The following GRID2 variants were observed in gnomAD, a reference collection of about 807,000 sequenced individuals.
GRID2 encodes the protein glutamate receptor ionotropic, delta-2.
In GRID2, 33 loss-of-function variants were observed where a neutral mutation model predicts 114.8. That is an observed-to-expected ratio of 0.29 (90% confidence interval 0.22 to 0.38). The LOEUF (loss-of-function observed/expected upper bound fraction) is 0.38. Ranked by LOEUF, GRID2 falls within the 10% of genes least tolerant of loss-of-function variation. The pLI, the probability that GRID2 is intolerant of heterozygous loss-of-function variation, is 1.00. For missense variants in GRID2, 1,184 were observed against 1,257.7 expected, an observed-to-expected ratio of 0.94 and a Z score of 0.89; for synonymous variants, 505 against 449.9, an observed-to-expected ratio of 1.12 and a Z score of -1.55.
intron 14 of GRID2, among the ~76,000 whole-genome samples, chr4:93,709,987 T>G (rs1397328914): frequency 6.6e-6 from 1 of 152,198 alleles, no homozygotes; most frequent in African/African-American, 2.4e-5. Context: ...TATCTTGAAT[T>G]TCATTGAACT....
At chr4:93,809,751 A>G (rs921482044) in exon 2 of GRID2, 15 of 152,306 alleles carry the variant, frequency 9.8e-5, no homozygotes, top group African/African-American at 3.4e-4. Context: ...TCACACACCA[A>G]TTCAGTGAAC....
intron 1 of GRID2, among the ~76,000 whole-genome samples, chr4:92,570,517 T>A (rs1727558111): frequency 6.6e-6 from 1 of 152,164 alleles, no homozygotes; most frequent in Non-Finnish European, 1.5e-5. Context: ...TTAATGGGAA[T>A]AATATTGAAT....
intron 8 of GRID2, among the ~76,000 whole-genome samples, chr4:93,314,479 G>T (rs1756372647): frequency 6.6e-6 from 1 of 151,916 alleles, no homozygotes; most frequent in Non-Finnish European, 1.5e-5. Flanking sequence ...CTACTTTGCT[G>T]TTCACTGGAA....
chr4:92,745,343 T>C (rs552527156), intron 2 of GRID2, among the ~76,000 whole-genome samples: 47 of 152,340 alleles, frequency 3.1e-4, no homozygotes, highest in African/African-American at 9.9e-4. Flanking sequence ...CTTTGTTGAA[T>C]TGATCATAAA....
rs1195764101 is a variant in GRID2 at position 92,472,201 on chromosome 4, G to A, written c.89-117930G>A. ...GCCCGCCTCGGCCTCCCAAAGTGCT[G>A]GGATTACAGGCGTGAGCCACCGCGC... On this transcript the variant is annotated intron_variant, in intron 1 of 15. Transcript: ENST00000282020. 3.3e-5 allele frequency among the ~76,000 whole-genome samples: 2 copies of A among 60,892 alleles called. 1 individual carries two copies. Among genetic ancestry groups the A allele is most frequent in the African/African-American group, 2.0e-4 (2 of 10,256 alleles). 39.9% of individuals were successfully genotyped at this position (60,892 alleles called of 152,430 possible).
chr4:92,443,894 A>G (rs961663895), intron 1 of GRID2, among the ~76,000 whole-genome samples: 2 of 152,226 alleles, frequency 1.3e-5, no homozygotes, highest in African/African-American at 4.8e-5. Context: ...TGTGACCGGC[A>G]CCAGAGTTTT....
intron 9 of GRID2, among the ~76,000 whole-genome samples, chr4:93,399,598 G>C (rs1461575715): frequency 6.6e-6 from 1 of 152,118 alleles, no homozygotes; most frequent in African/African-American, 2.4e-5. Context: ...ATGGGAGGAA[G>C]CATTATTACT....
intron 2 of GRID2, among the ~76,000 whole-genome samples, chr4:92,665,384 G>T (rs1340370966): frequency 6.6e-6 from 1 of 150,444 alleles, no homozygotes; most frequent in East Asian, 1.9e-4. Context: ...TATGTATTAT[G>T]TGTCCAAAAA....
At chr4:92,982,033 A>G (rs1344554667) in intron 2 of GRID2, among the ~76,000 whole-genome samples, 3 of 147,920 alleles carry the variant, frequency 2.0e-5, no homozygotes, top group Non-Finnish European at 4.5e-5. Context: ...AAAAAAAAAA[A>G]AAAAAAAAAA....
chr4:92,422,913 C>A (rs987979108), intron 1 of GRID2, among the ~76,000 whole-genome samples: 5 of 152,112 alleles, frequency 3.3e-5, no homozygotes, highest in African/African-American at 1.2e-4. Context: ...AGCATACGCC[C>A]AGGAATGAAC....
At chr4:92,627,727 C>G (rs895519127) in intron 2 of GRID2, among the ~76,000 whole-genome samples, 11 of 152,116 alleles carry the variant, frequency 7.2e-5, no homozygotes, top group African/African-American at 2.7e-4. Context: ...AGTATATTTA[C>G]TAAACTGAAA....
intron 13 of GRID2, among the ~76,000 whole-genome samples, chr4:93,564,126 T>TA (rs1347540459): frequency 3.9e-5 from 6 of 151,948 alleles, no homozygotes; most frequent in Admixed American, 3.9e-4. Context: ...AGGTAGAAGA[T>TA]ATTATTAAGT....
chr4:93,620,725 C>A (rs531737551), intron 13 of GRID2, among the ~76,000 whole-genome samples: 44 of 152,222 alleles, frequency 2.9e-4, no homozygotes, highest in African/African-American at 8.2e-4. Flanking sequence ...AGTTCTTCAC[C>A]TGACAAATGG....
chr4:93,589,620 A>T (rs558749220), intron 13 of GRID2, among the ~76,000 whole-genome samples: 424 of 151,930 alleles, frequency 2.8e-3, no homozygotes, highest in African/African-American at 9.8e-3. Context: ...TCCCTGAGGA[A>T]TCGCCACACT....
chr4:93,271,260 TA>T (rs1178839693), intron 8 of GRID2, among the ~76,000 whole-genome samples: 1 of 152,116 alleles, frequency 6.6e-6, no homozygotes, highest in Non-Finnish European at 1.5e-5. Flanking sequence ...ACTGGTAGAA[TA>T]AATATGAACT....
intron 4 of GRID2, among the ~76,000 whole-genome samples, chr4:93,152,601 T>C (rs185251871): frequency 2.6e-5 from 4 of 152,284 alleles, no homozygotes; most frequent in Non-Finnish European, 5.9e-5. Context: ...TATTTATTGC[T>C]GCTTCAAGCC....
intron 8 of GRID2, among the ~76,000 whole-genome samples, chr4:93,291,258 A>G (rs891074626): frequency 1.3e-5 from 2 of 152,216 alleles, no homozygotes; most frequent in African/African-American, 4.8e-5. Flanking sequence ...CTCATTCCCT[A>G]TTTGATCTTA....
At chr4:92,652,995 T>C (rs1235040529) in intron 2 of GRID2, among the ~76,000 whole-genome samples, 1 of 126,956 alleles carries the variant, frequency 7.9e-6, no homozygotes, top group African/African-American at 2.8e-5. Context: ...TATATATAAA[T>C]ATATATAAAT....
intron 8 of GRID2, among the ~76,000 whole-genome samples, chr4:93,380,618 A>G (rs975689112): frequency 6.6e-6 from 1 of 151,970 alleles, no homozygotes; most frequent in African/African-American, 2.4e-5. Context: ...AAAAGTTTTA[A>G]GATATAAAAG....
Sources: gnomAD v4.1 joint callset for allele counts (sites outside exome capture counted in the v4.1 genomes callset) on GRCh38, gnomAD v4.1.1 for gene constraint, MANE v1.5 for transcripts, NCBI Gene and HGNC (gene_info 2026-07-23, HGNC 2026-07-21) for gene names.